Variants in KCNH1 observed in about 807,000 individuals in gnomAD.
KCNH1 encodes voltage-gated delayed rectifier potassium channel KCNH1.
KCNH1 carries 27 observed loss-of-function variants against 69.2 expected under a neutral mutation model. That is an observed-to-expected ratio of 0.39 (90% CI 0.29 to 0.54). The LOEUF is 0.54. KCNH1 is among the 20% of genes least tolerant of loss of function. The pLI, the probability that KCNH1 is intolerant of heterozygous loss-of-function variation, is 0.68. For synonymous variants in KCNH1, 456 were observed against 487.7 expected (o/e 0.93, Z 0.86); for missense variants, 798 against 1,261.6 (o/e 0.63, Z 5.57).
intron 10 of KCNH1, among the ~76,000 whole-genome samples, chr1:210,757,807 A>G (rs752305481): frequency 6.6e-6 from 1 of 152,252 alleles, no homozygotes; most frequent in Non-Finnish European, 1.5e-5. Flanking sequence ...CTGAACAAAC[A>G]GCAATCATGC....
chr1:210,728,663 C>A lies in KCNH1; in HGVS notation c.2113-44525G>T, dbSNP rs139236939. Reference sequence around the variant, plus strand: ...CACACGTGCTTACACACACAGCCATCCAGGGACGCAGCTGCCACACTAAAT... The same window carrying A: ...CACACGTGCTTACACACACAGCCATACAGGGACGCAGCTGCCACACTAAAT... On this transcript the variant is annotated intron_variant, in intron 10 of 10. Transcript: ENST00000271751. Among the ~76,000 whole-genome samples, 350 of 152,334 alleles carry A rather than the reference C, an allele frequency of 2.3e-3. 1 individual carries two copies. The highest frequency in any genetic ancestry group is 8.0e-3 in the African/African-American group (334 of 41,574).
At chr1:210,694,737 C>T (rs1047335398) in intron 10 of KCNH1, among the ~76,000 whole-genome samples, 6 of 152,208 alleles carry the variant, frequency 3.9e-5, no homozygotes, top group African/African-American at 1.4e-4. Flanking sequence ...GGGTTTTAAG[C>T]CTCAGGTCCT....
chr1:210,827,534 A>G (rs935069836), intron 7 of KCNH1, among the ~76,000 whole-genome samples: 1 of 152,166 alleles, frequency 6.6e-6, no homozygotes, highest in Non-Finnish European at 1.5e-5. Flanking sequence ...TATGCTGAAT[A>G]ATTATTTTAA....
At chr1:210,686,775 A>G (rs1334143575) in intron 10 of KCNH1, among the ~76,000 whole-genome samples, 2 of 152,182 alleles carry the variant, frequency 1.3e-5, no homozygotes, top group Non-Finnish European at 2.9e-5. Context: ...CTGAACACAA[A>G]CATATCTTAT....
intron 6 of KCNH1, among the ~76,000 whole-genome samples, chr1:210,977,960 A>T (rs938541798): frequency 2.0e-5 from 3 of 151,440 alleles, no homozygotes; most frequent in African/African-American, 4.8e-5. Flanking sequence ...TATTTCAGTT[A>T]TTGTACTTTT....
intron 2 of KCNH1, 152 bp from the exon 3 acceptor site, chr1:211,103,754 C>T: frequency 1.8e-6 from 1 of 562,886 alleles, no homozygotes; most frequent in Non-Finnish European, 3.1e-6. Flanking sequence ...AAAAAATTTA[C>T]TGATTCAACT....
intron 10 of KCNH1, among the ~76,000 whole-genome samples, chr1:210,712,442 G>C (rs1005237060): frequency 3.3e-5 from 5 of 152,142 alleles, no homozygotes; most frequent in African/African-American, 1.2e-4. Context: ...CCAGGACACT[G>C]CTTAGAGGCT....
intron 6 of KCNH1, among the ~76,000 whole-genome samples, chr1:211,018,097 C>T (rs567504485): frequency 2.0e-5 from 3 of 152,094 alleles, no homozygotes; most frequent in Non-Finnish European, 4.4e-5. Context: ...CTGGCTCCCC[C>T]CTTCACCTTC....
At chr1:210,926,507 G>A (rs1030562132) in intron 6 of KCNH1, among the ~76,000 whole-genome samples, 1 of 152,150 alleles carries the variant, frequency 6.6e-6, no homozygotes, top group African/African-American at 2.4e-5. Flanking sequence ...CATTCCTAGG[G>A]GAAGGGGGAG....
intron 1 of KCNH1, among the ~76,000 whole-genome samples, chr1:211,126,675 C>A (rs1691782494): frequency 7.2e-6 from 1 of 139,852 alleles, no homozygotes; most frequent in South Asian, 2.3e-4. Flanking sequence ...AGAGTGAGAT[C>A]CTATAATATC....
chr1:210,835,277 C>T (rs968972392), intron 7 of KCNH1, among the ~76,000 whole-genome samples: 4 of 126,736 alleles, frequency 3.2e-5, no homozygotes, highest in African/African-American at 1.3e-4. Context: ...AGTTCAGTCT[C>T]TTATTTTGTG....
At chr1:210,885,059 T>G (rs1007460885) in intron 7 of KCNH1, among the ~76,000 whole-genome samples, 1 of 152,228 alleles carries the variant, frequency 6.6e-6, no homozygotes, top group Non-Finnish European at 1.5e-5. Context: ...GCACTACCAG[T>G]GCACACAGAT....
At chr1:210,944,499 A>C (rs1031317603) in intron 6 of KCNH1, among the ~76,000 whole-genome samples, 6 of 152,166 alleles carry the variant, frequency 3.9e-5, no homozygotes, top group Non-Finnish European at 7.4e-5. Context: ...CTCAAGACAT[A>C]AGCCTCGCCT....
chr1:210,952,957 G>C (rs1190755938), intron 6 of KCNH1, among the ~76,000 whole-genome samples: 1 of 152,088 alleles, frequency 6.6e-6, no homozygotes, highest in Admixed American at 6.5e-5. Flanking sequence ...TTGGTTGACT[G>C]GTTGGTTTTT....
chr1:210,841,241 GTCT>G (rs1029600308), intron 7 of KCNH1, among the ~76,000 whole-genome samples: 2 of 151,990 alleles, frequency 1.3e-5, no homozygotes, highest in African/African-American at 4.8e-5. Context: ...GTTTATACTT[GTCT>G]TCTTCTAAAA....
rs1341472364 is a variant in KCNH1, at chr1:210,807,778, T to C, written c.1463-3612A>G. On this transcript the variant is annotated intron_variant, in intron 7 of 10. Coordinates refer to ENST00000271751, the MANE Select transcript of KCNH1 (RefSeq NM_172362.3). ...CTTTTAGTTGATGAATACTATCCCA[T>C]TGTATGGATGTACCACAACCATTTC... Among the ~76,000 whole-genome samples, 2 of 152,196 alleles carry C rather than the reference T, an allele frequency of 1.3e-5. 1 individual carries two copies. Among genetic ancestry groups the C allele is most frequent in the Non-Finnish European group, 2.9e-5 (2 of 68,042 alleles).
chr1:210,831,115 C>A (rs1472191833), intron 7 of KCNH1, among the ~76,000 whole-genome samples: 1 of 152,206 alleles, frequency 6.6e-6, no homozygotes, highest in Non-Finnish European at 1.5e-5. Flanking sequence ...CATAAAGACA[C>A]CTGCAAACAC....
chr1:211,106,191 C>T (rs778737204), intron 2 of KCNH1, among the ~76,000 whole-genome samples: 5 of 152,184 alleles, frequency 3.3e-5, no homozygotes, highest in Non-Finnish European at 7.3e-5. Context: ...AGACAGAAGA[C>T]TGAAGAAGGC....
intron 7 of KCNH1, chr1:210,862,125 T>C (rs1685992783): frequency 2.3e-6 from 3 of 1,277,106 alleles, no homozygotes; most frequent in South Asian, 1.2e-5. Context: ...CACCTGCCTG[T>C]CTCACAGGTA....
Sources: allele counts gnomAD v4.1 joint callset (sites outside exome capture counted in the v4.1 genomes callset), GRCh38; gene constraint gnomAD v4.1.1; transcripts MANE v1.5; gene names NCBI Gene and HGNC (gene_info 2026-07-23, HGNC 2026-07-21).